CDC27: variants seen among roughly 807,000 people sequenced by gnomAD.
The protein encoded by CDC27 is cell division cycle protein 27 homolog.
A neutral mutation model predicts 109.7 loss-of-function variants in CDC27; 27 were observed. The ratio of observed to expected loss-of-function variants is 0.25; its 90% confidence interval spans 0.18 to 0.34. The LOEUF is 0.34. Ranked by LOEUF, CDC27 falls within the 10% of genes least tolerant of loss-of-function variation. CDC27 has a pLI of 1.00. For missense variants in CDC27, 579 were observed against 960.2 expected (o/e 0.60, Z 5.25); for synonymous variants, 266 against 333.9 (o/e 0.80, Z 2.22).
chr17:47,179,556 T>C (rs539415001), intron 2 of CDC27, among the ~76,000 whole-genome samples: 239 of 152,316 alleles, frequency 1.6e-3, no homozygotes, highest in Non-Finnish European at 1.1e-3. Context: ...TTATTGAAGA[T>C]TAAATTAGTA....
chr17:47,133,012 TATATATATATATATATAC>T (rs1470214297), intron 14 of CDC27, among the ~76,000 whole-genome samples: 3 of 43,736 alleles, frequency 6.9e-5, no homozygotes, highest in Non-Finnish European at 9.0e-5. Context: ...TATATATATA[TATATATATATATATATAC>T]ACACACACAC....
Position 47,132,264 on chromosome 17 carries a change from A to G in CDC27, c.2024T>C (p.Ile675Thr). 6.6e-7 allele frequency: 1 copy of G among 1,523,482 alleles called. No homozygotes were observed. Among genetic ancestry groups the G allele is most frequent in the Non-Finnish European group, 9.0e-7 (1 of 1,105,970 alleles). The allele number at this position is 1,523,482 out of a possible 1,614,324, so 94.4% of individuals were successfully genotyped here. The change falls in exon 15 of 19, where the codon ATT becomes ACT. Residue 675 changes from isoleucine to threonine, a missense_variant. Physicochemically the swap from Ile to Thr is moderately conservative, Grantham distance 89. Transcript: ENST00000066544. ...GTTTAGAAAGCTACTTACTACTCCA[A>G]TGTGGCAAAGTAAAACTGAACTTTG... ...NPQSSVLLCHIGVVQHALKKS... is the reference protein window; with the variant it reads ...NPQSSVLLCHTGVVQHALKKS...
chr17:47,182,383 C>T (rs1304188557), intron 1 of CDC27, among the ~76,000 whole-genome samples: 3 of 152,118 alleles, frequency 2.0e-5, no homozygotes, highest in African/African-American at 7.2e-5. Context: ...CCCATGTACT[C>T]ACCACCCAGC....
chr17:47,176,338 A>C (rs2064005359), intron 2 of CDC27, among the ~76,000 whole-genome samples: 1 of 152,056 alleles, frequency 6.6e-6, no homozygotes, highest in Admixed American at 6.6e-5. Context: ...TTTCATCTAC[A>C]TATGCAAATT....
At chr17:47,159,961 G>A (rs2063445059) in intron 4 of CDC27, 1 of 307,722 alleles carries the variant, frequency 3.2e-6, no homozygotes, top group Non-Finnish European at 6.1e-6. Flanking sequence ...ATCCACGGCT[G>A]CGACCCCAGC....
At chr17:47,181,501 G>A (rs11570463) in intron 2 of CDC27, 61 bp downstream of exon 2, 12,925 of 906,568 alleles carry the variant, frequency 0.014, 119 homozygotes, top group Non-Finnish European at 0.018. Context: ...GTGATAAAAA[G>A]TTATGGAATT....
chr17:47,188,271 C>T (rs1420298915), intron 1 of CDC27, among the ~76,000 whole-genome samples: 1 of 151,950 alleles, frequency 6.6e-6, no homozygotes, highest in Non-Finnish European at 1.5e-5. Context: ...GGTCCATTAC[C>T]AAGGCACAAA....
At chr17:47,124,348 A>G (rs1408954819) in intron 16 of CDC27, among the ~76,000 whole-genome samples, 1 of 152,060 alleles carries the variant, frequency 6.6e-6, no homozygotes, top group African/African-American at 2.4e-5. Flanking sequence ...CAGTGGCGCC[A>G]TCTCTGCTCT....
At chr17:47,136,698 T>A (rs1482133227) in intron 14 of CDC27, among the ~76,000 whole-genome samples, 3 of 152,208 alleles carry the variant, frequency 2.0e-5, no homozygotes, top group African/African-American at 7.2e-5. Context: ...AAGTTCTTAA[T>A]AGTAACTCAA....
intron 16 of CDC27, among the ~76,000 whole-genome samples, chr17:47,128,188 G>A (rs555464689): frequency 2.0e-5 from 3 of 151,748 alleles, no homozygotes; most frequent in African/African-American, 7.3e-5. Flanking sequence ...ACACCACCAT[G>A]CCTGGCTAAT....
At position 47,128,240 on chromosome 17, in the gene CDC27, A is replaced by G. The variant is rs1020550570; in HGVS notation, c.2160+1153T>C. On this transcript the variant is annotated intron_variant, in intron 16 of 18. Transcript: ENST00000066544. ...GAGATGGGGTTTCACCCTGTTGGCC[A>G]GGCTGGTCTCGAACTTCTGACCTCA... is the stretch of plus-strand genomic sequence containing the variant. 4.6e-5 allele frequency among the ~76,000 whole-genome samples: 7 copies of G among 152,138 alleles called. No homozygotes were observed. In the East Asian group the frequency reaches 1.2e-3, roughly 25 times the overall value.
intron 4 of CDC27, chr17:47,159,936 C>A: frequency 2.6e-6 from 1 of 384,604 alleles, no homozygotes. Flanking sequence ...GCTCCGTGGC[C>A]TCGGTCCCGG....
chr17:47,165,554 T>C (rs2063618144), intron 4 of CDC27, among the ~76,000 whole-genome samples: 3 of 152,214 alleles, frequency 2.0e-5, no homozygotes, highest in Admixed American at 2.0e-4. Context: ...GAGTTCTTTA[T>C]ATAGTCTAGA....
At chr17:47,127,126 T>C (rs1022186065) in intron 16 of CDC27, among the ~76,000 whole-genome samples, 1 of 151,988 alleles carries the variant, frequency 6.6e-6, no homozygotes, top group African/African-American at 2.4e-5. Flanking sequence ...TCCAGTTAGA[T>C]AAAAAAATTA....
chr17:47,146,893 C>A (rs934664340), intron 9 of CDC27, among the ~76,000 whole-genome samples: 1 of 151,658 alleles, frequency 6.6e-6, no homozygotes. Context: ...AGCAAGACCC[C>A]ATCTCTGCAA....
chr17:47,132,769 TTATTATTATTA>T (rs1188793436), intron 14 of CDC27, among the ~76,000 whole-genome samples: 1 of 137,430 alleles, frequency 7.3e-6, no homozygotes, highest in African/African-American at 2.7e-5. Flanking sequence ...ATTATTATTA[TTATTATTATTA>T]TATTTTAAAG....
At chr17:47,184,767 G>T (rs73319513) in intron 1 of CDC27, among the ~76,000 whole-genome samples, 1 of 152,214 alleles carries the variant, frequency 6.6e-6, no homozygotes, top group South Asian at 2.1e-4. Flanking sequence ...TGCCGGGATT[G>T]GGGGGAAGAA....
chr17:47,158,480 G>A (rs1304380178), intron 4 of CDC27, among the ~76,000 whole-genome samples, 177 bp from the exon 5 acceptor site: 1 of 152,156 alleles, frequency 6.6e-6, no homozygotes, highest in Non-Finnish European at 1.5e-5. Context: ...AAAGCGCACA[G>A]AACATGAATC....
In CDC27 at chr17:47,138,736, T is replaced by C. The variant is rs76772202; in HGVS notation, c.1704+3A>G. On this transcript the variant is annotated splice_donor_region_variant and intron_variant, in intron 13 of 18. Transcript: ENST00000066544. ...TATAAGCAAAGTATTTTGGTTAACA[T>C]ACCTCTGGCGAATTTTTATCCATGT... The C allele has an allele frequency of 6.2e-7, 1 of 1,603,416 alleles. No homozygotes were observed. The highest frequency in any genetic ancestry group is 1.7e-5 in the Admixed American group (1 of 59,388).
Sources: gnomAD v4.1 joint callset for allele counts (sites outside exome capture counted in the v4.1 genomes callset) on GRCh38, gnomAD v4.1.1 for gene constraint, MANE v1.5 for transcripts, NCBI Gene and HGNC (gene_info 2026-07-23, HGNC 2026-07-21) for gene names.